The following LYRM7 variants were observed in gnomAD, a reference collection of about 807,000 sequenced individuals.
LYRM7 encodes the protein complex III assembly factor LYRM7.
LYRM7 carries 9 observed loss-of-function variants against 15.8 expected under a neutral mutation model. That is an observed-to-expected ratio of 0.57 (90% CI 0.34 to 0.99). LYRM7 has a LOEUF of 0.99. LYRM7 is among the 50% of genes least tolerant of loss of function. The pLI, the probability that LYRM7 is intolerant of heterozygous loss-of-function variation, is 0.02. For missense variants in LYRM7, 115 were observed against 119.1 expected, an observed-to-expected ratio of 0.97 and a Z score of 0.16; for synonymous variants, 39 against 39.4, an observed-to-expected ratio of 0.99 and a Z score of 0.04.
chr5:131,172,850 T>C (rs976785427), intron 1 of LYRM7, among the ~76,000 whole-genome samples: 4 of 152,026 alleles, frequency 2.6e-5, no homozygotes, highest in Non-Finnish European at 2.9e-5. Flanking sequence ...CTATAAAGAA[T>C]CCACTTTTCA....
In LYRM7 at chr5:131,204,456, A is replaced by G. The variant is rs1156808010; in HGVS notation, c.*4855A>G. On this transcript the variant is annotated 3_prime_UTR_variant, in exon 5 of 5. Transcript: ENST00000379380. The stretch of plus-strand genomic sequence containing the variant: ...TCTGGAATATTTTCCAAGAGTTGAA[A>G]AGGATGAGGATACACACACACACAC... 6.8e-6 allele frequency: 1 copy of G among 146,318 alleles called. No individual in the cohort carries two copies. Among genetic ancestry groups the G allele is most frequent in the Non-Finnish European group, 1.5e-5 (1 of 67,110 alleles). The allele number at this position is 146,318 out of a possible 1,614,324, so 9.1% of individuals were successfully genotyped here. A position where few individuals can be genotyped will look rare whatever the true frequency, so the allele number is the denominator to read the frequency against.
chr5:131,189,679 T>C (rs1755855408), intron 4 of LYRM7, among the ~76,000 whole-genome samples: 1 of 152,210 alleles, frequency 6.6e-6, no homozygotes, highest in African/African-American at 2.4e-5. Context: ...TGTGTGCATC[T>C]GTTTCTGGAC....
intron 4 of LYRM7, among the ~76,000 whole-genome samples, chr5:131,191,261 T>G (rs1006932866): frequency 6.6e-6 from 1 of 152,044 alleles, no homozygotes; most frequent in African/African-American, 2.4e-5. Context: ...AAAGTTACTT[T>G]AAGCAAAATT....
chr5:131,173,349 A>C (rs1755551664), intron 1 of LYRM7, among the ~76,000 whole-genome samples: 1 of 152,258 alleles, frequency 6.6e-6, no homozygotes, highest in South Asian at 2.1e-4. Flanking sequence ...TGTATATTGC[A>C]GTAAAGCGAG....
rs1580704595 is a variant in LYRM7, at chr5:131,204,228, A to G, written c.*4627A>G. 4 of 151,998 alleles carry G rather than the reference A, an allele frequency of 2.6e-5. No homozygotes were observed. Among genetic ancestry groups the G allele is most frequent in the Admixed American group, 2.6e-4 (4 of 15,238 alleles). 9.4% of individuals were successfully genotyped at this position (151,998 alleles called of 1,614,324 possible). A position where few individuals can be genotyped will look rare whatever the true frequency, so the allele number is the denominator to read the frequency against. On this transcript the variant is annotated 3_prime_UTR_variant, in exon 5 of 5. Transcript: ENST00000379380. Reference sequence around the variant, plus strand: ...GAGACTTGAGCCACCACACCTGACTATAGGGCCTTTTTGAAAGGAAAATTG... The same window carrying G: ...GAGACTTGAGCCACCACACCTGACTGTAGGGCCTTTTTGAAAGGAAAATTG...
chr5:131,184,255 C>CT (rs1372900590), intron 3 of LYRM7, among the ~76,000 whole-genome samples: 8 of 152,360 alleles, frequency 5.3e-5, no homozygotes, highest in African/African-American at 1.9e-4. Context: ...GCGTGAGCCA[C>CT]TGTGCCCAGC....
Position 131,171,158 on chromosome 5 carries a change from C to T in LYRM7, c.18+120C>T. The T allele has an allele frequency of 1.9e-6, 2 of 1,075,436 alleles. 1 individual carries two copies. Among genetic ancestry groups the T allele is most frequent in the South Asian group, 4.1e-5 (2 of 49,340 alleles). The allele number at this position is 1,075,436 out of a possible 1,614,324, so 66.6% of individuals were successfully genotyped here. A position where few individuals can be genotyped will look rare whatever the true frequency, so the allele number is the denominator to read the frequency against. On this transcript the variant is annotated intron_variant, in intron 1 of 4. Transcript: ENST00000379380. Reference sequence around the variant, plus strand: ...TCCTGACCCTTTATGGAGGATGTGGCTGTTACCCCAGAGAAGCCAGATGAC... The same window carrying T: ...TCCTGACCCTTTATGGAGGATGTGGTTGTTACCCCAGAGAAGCCAGATGAC...
intron 1 of LYRM7, among the ~76,000 whole-genome samples, chr5:131,175,361 G>A (rs1334294946): frequency 2.0e-5 from 3 of 151,692 alleles, no homozygotes; most frequent in Non-Finnish European, 2.9e-5. Flanking sequence ...CACCATGCCC[G>A]GCTAATTTTG....
chr5:131,177,125 TA>T (rs1175353490), intron 1 of LYRM7, among the ~76,000 whole-genome samples: 1 of 152,234 alleles, frequency 6.6e-6, no homozygotes, highest in African/African-American at 2.4e-5. Context: ...TATTACTTTT[TA>T]AAAATATCCT....
chr5:131,192,032 T>TAC (rs60867142), intron 4 of LYRM7, among the ~76,000 whole-genome samples: 6,586 of 127,504 alleles, frequency 0.052, 199 homozygotes, highest in Non-Finnish European at 0.073. Flanking sequence ...ATGTGGTGCA[T>TAC]ACACACACAC....
rs1208366816 is a variant in LYRM7 at position 131,203,959 on chromosome 5, A to G, written c.*4358A>G. On this transcript the variant is annotated 3_prime_UTR_variant, in exon 5 of 5. Coordinates refer to ENST00000379380, the MANE Select transcript of LYRM7 (RefSeq NM_181705.4). ...TCTAGTGATGAGAGAAATGTAAATT[A>G]AAATGAAACATGTTTGTTCATCAAG... The G allele has an allele frequency of 6.6e-6, 1 of 152,260 alleles. No homozygotes were observed. Among genetic ancestry groups the G allele is most frequent in the African/African-American group, 2.4e-5 (1 of 41,472 alleles). The allele number at this position is 152,260 out of a possible 1,614,324, so 9.4% of individuals were successfully genotyped here.
chr5:131,193,266 G>T (rs147002008), intron 4 of LYRM7, among the ~76,000 whole-genome samples: 7 of 152,314 alleles, frequency 4.6e-5, no homozygotes, highest in African/African-American at 7.2e-5. Flanking sequence ...TGTTATGCTA[G>T]ACGCCAGGGA....
At chr5:131,197,572 G>C (rs1755987152) in intron 4 of LYRM7, among the ~76,000 whole-genome samples, 1 of 124,080 alleles carries the variant, frequency 8.1e-6, no homozygotes, top group South Asian at 2.8e-4. Flanking sequence ...TTGAGAGAGA[G>C]AGTCTGTCTC....
At chr5:131,178,172 T>C (rs1232516098) in intron 1 of LYRM7, among the ~76,000 whole-genome samples, 1 of 152,216 alleles carries the variant, frequency 6.6e-6, no homozygotes, top group Non-Finnish European at 1.5e-5. Context: ...TTTTCTAATA[T>C]ACGTAAAACA....
intron 4 of LYRM7, among the ~76,000 whole-genome samples, chr5:131,190,381 A>C (rs1755866557): frequency 6.6e-6 from 1 of 151,886 alleles, no homozygotes; most frequent in Non-Finnish European, 1.5e-5. Flanking sequence ...TTTTTAGTAG[A>C]GACGGAGTTT....
At chr5:131,177,910 C>T (rs968350094) in intron 1 of LYRM7, among the ~76,000 whole-genome samples, 2 of 152,088 alleles carry the variant, frequency 1.3e-5, no homozygotes, top group African/African-American at 4.8e-5. Flanking sequence ...ATTTCTGTTT[C>T]TGAACTTTTA....
chr5:131,181,275 G>GAAAAAAAAA lies in LYRM7; in HGVS notation c.92-934_92-926dup, dbSNP rs1195878324. 2.4e-4 allele frequency among the ~76,000 whole-genome samples: 2 copies of GAAAAAAAAA among 8,342 alleles called. 1 individual carries two copies. Among genetic ancestry groups the GAAAAAAAAA allele is most frequent in the Non-Finnish European group, 5.5e-4 (2 of 3,620 alleles). The allele number at this position is 8,342 out of a possible 152,430, so 5.5% of individuals were successfully genotyped here. ...TGGGCGACAAAGCAAGACTCCATCT[G>GAAAAAAAAA]AAAAAAAAAAAAAAAAAAAAAAAAA... On this transcript the variant is annotated intron_variant, in intron 2 of 4. Transcript: ENST00000379380.
chr5:131,180,011 A>G, intron 1 of LYRM7, 84 bp from the exon 2 acceptor site: 1 of 902,542 alleles, frequency 1.1e-6, no homozygotes, highest in Non-Finnish European at 1.8e-6. Context: ...GGCTAAAGCG[A>G]TCCTGCTACC....
chr5:131,172,641 C>T (rs1035148782), intron 1 of LYRM7, among the ~76,000 whole-genome samples: 1 of 152,050 alleles, frequency 6.6e-6, no homozygotes, highest in African/African-American at 2.4e-5. Flanking sequence ...ACTTATGCTA[C>T]ATGTGGGAAG....
Sources: allele counts gnomAD v4.1 joint callset (sites outside exome capture counted in the v4.1 genomes callset), GRCh38; gene constraint gnomAD v4.1.1; transcripts MANE v1.5; gene names NCBI Gene and HGNC (gene_info 2026-07-23, HGNC 2026-07-21).